The following COL4A5 variants were observed in gnomAD, a reference collection of about 807,000 sequenced individuals.
COL4A5 encodes collagen type IV alpha 5 chain, also known as collagen alpha-5(IV) chain.
A neutral mutation model predicts 130.2 loss-of-function variants in COL4A5; 26 were observed. That is an observed-to-expected ratio of 0.20 (90% CI 0.15 to 0.28). The LOEUF (loss-of-function observed/expected upper bound fraction) is 0.28. Ranked by LOEUF, COL4A5 falls within the 10% of genes least tolerant of loss-of-function variation. The pLI, the probability that COL4A5 is intolerant of heterozygous loss-of-function variation, is 1.00. For missense variants in COL4A5, 1,131 were observed against 1,344.3 expected, an observed-to-expected ratio of 0.84 and a Z score of 2.48; for synonymous variants, 496 against 439.6, an observed-to-expected ratio of 1.13 and a Z score of -1.60.
intron 37 of COL4A5, among the ~76,000 whole-genome samples, chrX:108,657,044 A>AT (rs964916143): frequency 9.0e-6 from 1 of 111,433 alleles, no homozygotes; most frequent in African/African-American, 3.3e-5. Context: ...ATGAATAGTG[A>AT]TTTTTTTATC....
intron 1 of COL4A5, among the ~76,000 whole-genome samples, chrX:108,508,113 C>T (rs772874917): frequency 5.4e-5 from 6 of 111,095 alleles, no homozygotes; most frequent in East Asian, 2.8e-4. Context: ...TGTTTGTAGA[C>T]GATATGATTC....
At chrX:108,445,616 T>G (rs2064444528) in intron 1 of COL4A5, among the ~76,000 whole-genome samples, 1 of 112,043 alleles carries the variant, frequency 8.9e-6, no homozygotes, top group African/African-American at 3.2e-5. Flanking sequence ...TTTGAACATT[T>G]GTAATATTTA....
chrX:108,620,491 A>G (rs752435990), intron 31 of COL4A5, 65 bp downstream of exon 31: 1 of 923,608 alleles, frequency 1.1e-6, no homozygotes, highest in East Asian at 3.1e-5. Context: ...ACTCTGGTAG[A>G]TAATTCCCAT....
chrX:108,478,557 A>G (rs1415042344), intron 1 of COL4A5, among the ~76,000 whole-genome samples: 1 of 111,517 alleles, frequency 9.0e-6, no homozygotes, highest in Non-Finnish European at 1.9e-5. Flanking sequence ...ATTGTCACCT[A>G]GTTGGCATTG....
intron 37 of COL4A5, among the ~76,000 whole-genome samples, chrX:108,663,760 C>G (rs1418683760): frequency 9.0e-6 from 1 of 111,085 alleles, no homozygotes; most frequent in African/African-American, 3.3e-5. Context: ...AAAAAAGATG[C>G]CAGTTGCCTC....
chrX:108,630,122 G>A (rs912337293), intron 36 of COL4A5, among the ~76,000 whole-genome samples: 2 of 111,865 alleles, frequency 1.8e-5, no homozygotes, highest in Non-Finnish European at 3.8e-5. Context: ...AAATATACAT[G>A]TGCATGTGTC....
At chrX:108,625,383 A>C (rs1447141069) in intron 34 of COL4A5, among the ~76,000 whole-genome samples, 1 of 112,526 alleles carries the variant, frequency 8.9e-6, no homozygotes, top group Non-Finnish European at 1.9e-5. Context: ...TTATCTGTGA[A>C]AATACATTAA....
chrX:108,469,169 C>CTTTTTTT (rs529015725), intron 1 of COL4A5, among the ~76,000 whole-genome samples: 4 of 77,667 alleles, frequency 5.2e-5, no homozygotes, highest in Non-Finnish European at 4.8e-5. Flanking sequence ...CTCTCTCTCT[C>CTTTTTTT]TTTTTTTTTT....
In COL4A5 at chrX:108,667,035, C is replaced by A. The variant is rs1352854325; in HGVS notation, c.3554-98C>A. On this transcript the variant is annotated intron_variant, in intron 39 of 52. Transcript: ENST00000328300. ...GTTTCATATAATATACATTGCTGCA[C>A]CTAATGAAAACCTCAATGATCTAAA... 15 of 724,275 alleles carry A rather than the reference C, an allele frequency of 2.1e-5. No homozygotes were observed. The Admixed American group carries it at 2.9e-4, about 14-fold the overall frequency. 59.7% of individuals were successfully genotyped at this position (724,275 alleles called of 1,213,427 possible). A position where few individuals can be genotyped will look rare whatever the true frequency, so the allele number is the denominator to read the frequency against.
At chrX:108,625,588 A>G in intron 34 of COL4A5, 117 bp from the exon 35 acceptor site, 1 of 512,634 alleles carries the variant, frequency 2.0e-6, no homozygotes, top group Non-Finnish European at 3.5e-6. Flanking sequence ...TTAATCATAT[A>G]TTCAGATTTA....
rs939675826 is a variant in COL4A5 at position 108,577,830 on chromosome X, A to G, written c.610-122A>G. 6.8e-6 allele frequency: 4 copies of G among 590,005 alleles called. No individual in the cohort carries two copies. In the East Asian group the frequency reaches 1.1e-4, roughly 16 times the overall value. 48.6% of individuals were successfully genotyped at this position (590,005 alleles called of 1,213,427 possible). ...ATGTGTGTCTCTGACTAAAATGAAAACAAACAAGAAAATACTATTTTGATG... is the reference window on the plus strand; with the variant it reads ...ATGTGTGTCTCTGACTAAAATGAAAGCAAACAAGAAAATACTATTTTGATG... On this transcript the variant is annotated intron_variant, in intron 10 of 52. Coordinates refer to ENST00000328300, the MANE Select transcript of COL4A5 (RefSeq NM_033380.3).
At chrX:108,530,364 TTAAAC>T (rs1469748244) in intron 1 of COL4A5, among the ~76,000 whole-genome samples, 1 of 110,173 alleles carries the variant, frequency 9.1e-6, no homozygotes, top group African/African-American at 3.3e-5. Context: ...TGGGATCTAA[TTAAAC>T]TAAAGAGCTT....
Position 108,539,757 on chromosome X carries a change from G to T in COL4A5, c.93G>T (p.Gly31=), listed in dbSNP as rs2065509123. ...TCTCTTCCTTATAGGCTTGCTATGG[G>T]TGTTCTCCAGGATCAAAGTGTGACT... ...GQPAEAAACY[G]CSPGSKCDCS... The change falls in exon 2 of 53, where the codon GGG becomes GGT. Residue 31 remains glycine, a synonymous_variant. Coordinates refer to ENST00000328300, the MANE Select transcript of COL4A5 (RefSeq NM_033380.3). 8.3e-7 allele frequency: 1 copy of T among 1,208,833 alleles called. No individual in the cohort carries two copies. The highest frequency in any genetic ancestry group is 3.0e-5 in the East Asian group (1 of 33,782).
chrX:108,500,536 C>G (rs1450495174), intron 1 of COL4A5, among the ~76,000 whole-genome samples: 2 of 111,752 alleles, frequency 1.8e-5, no homozygotes, highest in Non-Finnish European at 3.8e-5. Flanking sequence ...GAAGAATTAT[C>G]TAGTCACATT....
intron 1 of COL4A5, among the ~76,000 whole-genome samples, chrX:108,496,284 A>G (rs2065033767): frequency 9.0e-6 from 1 of 111,497 alleles, no homozygotes; most frequent in African/African-American, 3.3e-5. Flanking sequence ...AATTTACTCA[A>G]AACAGTTTTT....
At chrX:108,504,829 G>A (rs2065110408) in intron 1 of COL4A5, among the ~76,000 whole-genome samples, 1 of 111,955 alleles carries the variant, frequency 8.9e-6, no homozygotes, top group South Asian at 3.8e-4. Flanking sequence ...AAAACAGTAG[G>A]GAGATTTCTC....
chrX:108,576,097 T>TA, intron 10 of COL4A5, 125 bp downstream of exon 10: 1 of 493,720 alleles, frequency 2.0e-6, no homozygotes, highest in Non-Finnish European at 3.5e-6. Context: ...ATAATTTTCT[T>TA]ATGTAAAGGT....
At chrX:108,677,700 T>G in intron 44 of COL4A5, 67 bp downstream of exon 44, 1 of 1,127,762 alleles carries the variant, frequency 8.9e-7, no homozygotes. Flanking sequence ...ATGTGAATTC[T>G]AAGCTGCATC....
intron 13 of COL4A5, among the ~76,000 whole-genome samples, chrX:108,579,732 A>G (rs1299640607): frequency 8.9e-6 from 1 of 112,201 alleles, no homozygotes; most frequent in East Asian, 2.8e-4. Context: ...AATAAAGGAA[A>G]AGTTGTATTG....
Sources: gnomAD v4.1 joint callset for allele counts (sites outside exome capture counted in the v4.1 genomes callset) on GRCh38, gnomAD v4.1.1 for gene constraint, MANE v1.5 for transcripts, NCBI Gene and HGNC (gene_info 2026-07-23, HGNC 2026-07-21) for gene names.